RBMS3: variants seen among roughly 807,000 people sequenced by gnomAD.
RBMS3 encodes RNA binding motif single stranded interacting protein 3, also known as RNA-binding motif, single-stranded-interacting protein 3.
A neutral mutation model predicts 66.8 loss-of-function variants in RBMS3; 27 were observed. The observed-to-expected ratio is 0.40, with a 90% CI of 0.30 to 0.56. The LOEUF (loss-of-function observed/expected upper bound fraction) is 0.56, where lower values mean the gene tolerates loss of function less well. Among genes scored for constraint, RBMS3 ranks in the 20% least tolerant of loss-of-function variants. The probability of loss-of-function intolerance (pLI) is 0.40; values close to 1 mark genes in which losing one functional copy is unlikely to be tolerated. For missense variants in RBMS3, 513 were observed against 549.5 expected, an observed-to-expected ratio of 0.93 and a Z score of 0.66; for synonymous variants, 188 against 183.0, an observed-to-expected ratio of 1.03 and a Z score of -0.22.
At chr3:29,318,573 C>T (rs1407880941) in intron 1 of RBMS3, among the ~76,000 whole-genome samples, 1 of 151,878 alleles carries the variant, frequency 6.6e-6, no homozygotes, top group Non-Finnish European at 1.5e-5. Context: ...CACTGATTAG[C>T]AATTATTTCC....
intron 1 of RBMS3, among the ~76,000 whole-genome samples, chr3:29,309,992 G>T (rs1453381375): frequency 1.3e-5 from 2 of 151,584 alleles, no homozygotes; most frequent in East Asian, 1.9e-4. Flanking sequence ...AAAGAGGGAG[G>T]CTTGAGCATA....
intron 1 of RBMS3, among the ~76,000 whole-genome samples, chr3:29,340,188 A>G (rs1031757503): frequency 1.3e-5 from 2 of 152,142 alleles, no homozygotes; most frequent in African/African-American, 4.8e-5. Context: ...TCAAAATGAT[A>G]ATATGAGGCT....
At chr3:29,622,986 G>C (rs897519470) in intron 4 of RBMS3, among the ~76,000 whole-genome samples, 11 of 151,388 alleles carry the variant, frequency 7.3e-5, no homozygotes, top group African/African-American at 2.4e-5. Flanking sequence ...GTGTGGTGGC[G>C]GGCGCCTGTA....
chr3:29,871,564 G>A (rs1215141610), intron 7 of RBMS3, among the ~76,000 whole-genome samples: 2 of 152,018 alleles, frequency 1.3e-5, no homozygotes, highest in Non-Finnish European at 2.9e-5. Context: ...TTGTTTGTTT[G>A]TTTTGATATA....
At chr3:29,686,672 G>C (rs1417824595) in intron 4 of RBMS3, among the ~76,000 whole-genome samples, 1 of 152,076 alleles carries the variant, frequency 6.6e-6, no homozygotes, top group Non-Finnish European at 1.5e-5. Context: ...GAAAAACCCT[G>C]TCTGTAAAAA....
chr3:29,363,620 C>T (rs2037731672), intron 1 of RBMS3, among the ~76,000 whole-genome samples: 2 of 152,038 alleles, frequency 1.3e-5, no homozygotes, highest in South Asian at 4.2e-4. Context: ...GAAACCCCAT[C>T]TGTACTAAAA....
intron 6 of RBMS3, among the ~76,000 whole-genome samples, chr3:29,801,005 GCA>G (rs3070792): frequency 0.057 from 8,460 of 148,804 alleles, 300 homozygotes; most frequent in Admixed American, 0.09. Flanking sequence ...ACACACGCAT[GCA>G]CACACACACA....
chr3:29,838,110 T>G (rs1444712025), intron 6 of RBMS3, among the ~76,000 whole-genome samples: 1 of 136,362 alleles, frequency 7.3e-6, no homozygotes, highest in Admixed American at 8.5e-5. Flanking sequence ...GGAGGATCAC[T>G]GGGAGGACTG....
chr3:29,527,889 A>G (rs1275015458), intron 3 of RBMS3, among the ~76,000 whole-genome samples: 1 of 149,564 alleles, frequency 6.7e-6, no homozygotes, highest in Non-Finnish European at 1.5e-5. Context: ...CACATTGTGC[A>G]CATGTACCCT....
chr3:29,741,019 C>A (rs1576666954), intron 5 of RBMS3, among the ~76,000 whole-genome samples: 6 of 135,128 alleles, frequency 4.4e-5, no homozygotes, highest in East Asian at 2.2e-4. Flanking sequence ...CCAGCCTGGG[C>A]AACACAGCGA....
At chr3:29,472,862 G>A (rs575054721) in intron 2 of RBMS3, among the ~76,000 whole-genome samples, 1 of 152,260 alleles carries the variant, frequency 6.6e-6, no homozygotes, top group South Asian at 2.1e-4. Context: ...GTCCCAAGCG[G>A]TTGCCATGGC....
intron 3 of RBMS3, among the ~76,000 whole-genome samples, chr3:29,543,195 T>C (rs1234165357): frequency 1.3e-5 from 2 of 151,878 alleles, no homozygotes; most frequent in African/African-American, 2.4e-5. Context: ...AAGATAAACC[T>C]AAGTTCTGTT....
At chr3:29,774,528 T>A (rs1411486344) in intron 6 of RBMS3, among the ~76,000 whole-genome samples, 2 of 152,078 alleles carry the variant, frequency 1.3e-5, no homozygotes, top group Admixed American at 1.3e-4. Flanking sequence ...GAAACTAATA[T>A]GTTTTTACAC....
chr3:29,775,160 G>A (rs2056380035), intron 6 of RBMS3, among the ~76,000 whole-genome samples: 1 of 151,628 alleles, frequency 6.6e-6, no homozygotes, highest in Non-Finnish European at 1.5e-5. Flanking sequence ...CTTATTTTGA[G>A]AACCTACGTA....
intron 4 of RBMS3, among the ~76,000 whole-genome samples, chr3:29,610,315 G>T (rs530937718): frequency 6.6e-6 from 1 of 152,142 alleles, no homozygotes; most frequent in Non-Finnish European, 1.5e-5. Context: ...ATTTTATGCA[G>T]TAGTCACCAT....
intron 1 of RBMS3, among the ~76,000 whole-genome samples, chr3:29,392,015 C>T (rs1356757767): frequency 4.0e-5 from 6 of 151,760 alleles, no homozygotes; most frequent in Admixed American, 1.3e-4. Flanking sequence ...TTTGGGAGGT[C>T]GAGGAGGGTG....
Position 29,518,661 on chromosome 3 carries a change from C to A in RBMS3, c.307+30162C>A, listed in dbSNP as rs184074767. Among the ~76,000 whole-genome samples the A allele has an allele frequency of 3.9e-4, 60 of 152,286 alleles. 3 individuals carry two copies. The East Asian group carries it at 0.011, about 27-fold the overall frequency. On this transcript the variant is annotated intron_variant, in intron 3 of 14. Transcript: ENST00000383767. The stretch of plus-strand genomic sequence containing the variant: ...TTTCATCTCGTCAACACATTTCATA[C>A]CACTTTCTTTATTCATTTTTTAAAT...
chr3:29,397,624 AC>A lies in RBMS3; in HGVS notation c.76-37118del, dbSNP rs1575706694. Among the ~76,000 whole-genome samples, 4 of 152,188 alleles carry A rather than the reference AC, an allele frequency of 2.6e-5. No homozygotes were observed. The East Asian group carries it at 7.7e-4, about 29-fold the overall frequency. ...CCATGTCCCAAAACTCTTCCCCCTC[AC>A]ATGTCCTTCTTCTCCCATCCTTTCC... is the stretch of plus-strand genomic sequence containing the variant. On this transcript the variant is annotated intron_variant, in intron 1 of 14. Coordinates refer to ENST00000383767, the MANE Select transcript of RBMS3 (RefSeq NM_001003793.3).
Position 29,434,760 on chromosome 3 carries a change from T to A in RBMS3, c.93T>A (p.Ala31=). The change falls in exon 2 of 15, where the codon GCT becomes GCA. Residue 31 remains alanine, a synonymous_variant. Transcript: ENST00000383767. The part of the protein sequence containing the change: ...YLQTKQSYAP[A]PHPMAPPSPS... ...GTTTCCAGCAGTCCTATGCACCAGC[T>A]CCCCACCCCATGGCTCCTCCCAGCC... is the stretch of plus-strand genomic sequence containing the variant. 1.2e-6 allele frequency: 2 copies of A among 1,613,692 alleles called. No homozygotes were observed. Among genetic ancestry groups the A allele is most frequent in the Non-Finnish European group, 1.7e-6 (2 of 1,179,826 alleles).
Sources: allele counts gnomAD v4.1 joint callset (sites outside exome capture counted in the v4.1 genomes callset), GRCh38; gene constraint gnomAD v4.1.1; transcripts MANE v1.5; gene names NCBI Gene and HGNC (gene_info 2026-07-23, HGNC 2026-07-21).